UNC5C: variants seen among roughly 807,000 people sequenced by gnomAD.
The protein encoded by UNC5C is unc-5 netrin receptor C.
In UNC5C, 47 loss-of-function variants were observed where a neutral mutation model predicts 99.8. The observed-to-expected ratio is 0.47, with a 90% CI of 0.37 to 0.60. UNC5C has a LOEUF of 0.60. Ranked by LOEUF, UNC5C falls within the 20% of genes least tolerant of loss-of-function variation. The pLI is 0.00. For synonymous variants in UNC5C, 487 were observed against 452.2 expected, an observed-to-expected ratio of 1.08 and a Z score of -0.98; for missense variants, 1,062 against 1,165.9, an observed-to-expected ratio of 0.91 and a Z score of 1.30.
rs368442322 is a variant in UNC5C at position 95,494,619 on chromosome 4, G to A, written c.124+54115C>T. On this transcript the variant is annotated intron_variant, in intron 1 of 15. Coordinates refer to ENST00000453304, the MANE Select transcript of UNC5C (RefSeq NM_003728.4). ...AATTGGAGAAGTAAAGTTCACATAA[G>A]AAAAAGCAAATCTGGTCAATGGAGG... Among the ~76,000 whole-genome samples, 35 of 151,502 alleles carry A rather than the reference G, an allele frequency of 2.3e-4. 1 individual carries two copies. The South Asian group carries it at 6.4e-3, about 28-fold the overall frequency.
chr4:95,400,939 G>A (rs934513200), intron 1 of UNC5C, among the ~76,000 whole-genome samples: 1 of 152,206 alleles, frequency 6.6e-6, no homozygotes. Context: ...AACTAATACA[G>A]CTGCCAAATC....
intron 1 of UNC5C, among the ~76,000 whole-genome samples, chr4:95,390,312 A>T (rs1745320306): frequency 6.6e-6 from 1 of 151,874 alleles, no homozygotes; most frequent in African/African-American, 2.4e-5. Context: ...AGACAGGCAC[A>T]TTCCCCAGAA....
chr4:95,170,313 A>T lies in UNC5C; in HGVS notation c.2471T>A (p.Leu824Ter). 1 of 1,614,200 alleles carries T rather than the reference A, an allele frequency of 6.2e-7. No homozygotes were observed. Among genetic ancestry groups the T allele is most frequent in the Non-Finnish European group, 8.5e-7 (1 of 1,180,004 alleles). Residue 824 changes from leucine to a stop codon, truncating the protein, a stop_gained, in exon 15 of 16, where the codon TTG becomes TAG. Transcript: ENST00000453304. LOFTEE classifies it high-confidence loss of function. The part of the protein sequence containing the change: ...TVSEEPTGID[L>*]PLLDPANTIT... The stretch of plus-strand genomic sequence containing the variant: ...GGTGTTCGCAGGATCCAGCAGCGGC[A>T]AATCGATGCCAGTAGGTTCCTGTAG...
Position 95,167,885 on chromosome 4 carries a change from TG to T in UNC5C, c.*1348del, listed in dbSNP as rs1735918297. ...ATGAATGAGACTGGAGGCATCACGG[TG>T]GAAGTTGAGCATTTCAGAACTTGGA... On this transcript the variant is annotated 3_prime_UTR_variant, in exon 16 of 16. Transcript: ENST00000453304. 3.3e-5 allele frequency: 5 copies of T among 152,200 alleles called. No individual in the cohort carries two copies. The highest frequency in any genetic ancestry group is 3.3e-4 in the Admixed American group (5 of 15,278). The allele number at this position is 152,200 out of a possible 1,614,324, so 9.4% of individuals were successfully genotyped here.
At chr4:95,500,099 G>A (rs987923279) in intron 1 of UNC5C, among the ~76,000 whole-genome samples, 3 of 152,088 alleles carry the variant, frequency 2.0e-5, no homozygotes, top group Non-Finnish European at 2.9e-5. Context: ...TGATAAAAAC[G>A]TAGGAGTTTT....
In UNC5C at chr4:95,548,874, C is replaced by T; in HGVS notation, c.-17G>A. ...TTTCCTCATCGTAGACAGAGGTGTG[C>T]CGGGGGGAGGGGAGGGGGACAGAGA... On this transcript the variant is annotated 5_prime_UTR_variant, in exon 1 of 16. Transcript: ENST00000453304. 6.2e-7 allele frequency: 1 copy of T among 1,611,490 alleles called. No homozygotes were observed. The highest frequency in any genetic ancestry group is 8.5e-7 in the Non-Finnish European group (1 of 1,179,206).
chr4:95,193,898 C>T (rs1198239692), intron 12 of UNC5C, among the ~76,000 whole-genome samples: 1 of 152,196 alleles, frequency 6.6e-6, no homozygotes, highest in Non-Finnish European at 1.5e-5. Context: ...TCCCTGGCGC[C>T]CGGCCTGGCT....
At chr4:95,478,447 C>T (rs558504732) in intron 1 of UNC5C, among the ~76,000 whole-genome samples, 24 of 152,132 alleles carry the variant, frequency 1.6e-4, no homozygotes, top group Admixed American at 7.2e-4. Flanking sequence ...CGTTCTTCCA[C>T]CGATTTCGAT....
chr4:95,397,795 G>A (rs1266177536), intron 1 of UNC5C, among the ~76,000 whole-genome samples: 1 of 152,084 alleles, frequency 6.6e-6, no homozygotes, highest in Non-Finnish European at 1.5e-5. Flanking sequence ...AGACTTTACA[G>A]AACAAAGAAC....
At chr4:95,498,514 C>A (rs1014053616) in intron 1 of UNC5C, among the ~76,000 whole-genome samples, 1 of 151,914 alleles carries the variant, frequency 6.6e-6, no homozygotes, top group African/African-American at 2.4e-5. Flanking sequence ...CCAAAGTACT[C>A]TAAAAAGTAA....
chr4:95,178,394 C>T (rs939885784), intron 14 of UNC5C, among the ~76,000 whole-genome samples: 2 of 152,196 alleles, frequency 1.3e-5, no homozygotes, highest in Non-Finnish European at 2.9e-5. Flanking sequence ...CTCTTCTGTG[C>T]TCCTCACACT....
intron 4 of UNC5C, among the ~76,000 whole-genome samples, chr4:95,263,481 A>G (rs1264223490): frequency 6.6e-6 from 1 of 152,186 alleles, no homozygotes; most frequent in Non-Finnish European, 1.5e-5. Flanking sequence ...GGAAGACTAA[A>G]GAACAGGGTA....
intron 1 of UNC5C, among the ~76,000 whole-genome samples, chr4:95,433,736 T>C (rs1443068509): frequency 6.6e-6 from 1 of 152,136 alleles, no homozygotes; most frequent in African/African-American, 2.4e-5. Flanking sequence ...TTACATTCAC[T>C]GAGTTTTGAC....
rs74806677 is a variant in UNC5C at position 95,182,913 on chromosome 4, T to C, written c.2435A>G (p.Asn812Ser). 6.2e-7 allele frequency: 1 copy of C among 1,613,420 alleles called. No homozygotes were observed. The highest frequency in any genetic ancestry group is 1.7e-5 in the Admixed American group (1 of 59,998). Reference protein sequence around the residue: ...VEGEGQIFQLNCTVSEEPTGI... With the variant: ...VEGEGQIFQLSCTVSEEPTGI... ...GCCACTTACCTCTGACACGGTGCAG[T>C]TGAGCTGGAAGATCTGCCCTTCTCC... The change falls in exon 14 of 16, where the codon AAC becomes AGC. Residue 812 changes from asparagine to serine, a missense_variant. Physicochemically the swap from Asn to Ser is conservative, Grantham distance 46. Transcript: ENST00000453304.
chr4:95,239,726 T>C (rs139628537), intron 7 of UNC5C, among the ~76,000 whole-genome samples: 2,076 of 152,330 alleles, frequency 0.014, 14 homozygotes, highest in Middle Eastern at 0.031. Flanking sequence ...TTATCCAACA[T>C]TTTAATATAT....
At chr4:95,286,910 C>T (rs528085766) in intron 3 of UNC5C, among the ~76,000 whole-genome samples, 1 of 152,154 alleles carries the variant, frequency 6.6e-6, no homozygotes, top group Admixed American at 6.5e-5. Flanking sequence ...CTACTTAAAA[C>T]TTTATCAAAA....
At chr4:95,363,819 G>A (rs966827663) in intron 1 of UNC5C, among the ~76,000 whole-genome samples, 4 of 152,136 alleles carry the variant, frequency 2.6e-5, no homozygotes, top group African/African-American at 9.7e-5. Flanking sequence ...GTCAAATTTA[G>A]ACCTAATCAC....
intron 1 of UNC5C, among the ~76,000 whole-genome samples, chr4:95,515,419 C>T (rs551411060): frequency 6.6e-6 from 1 of 152,228 alleles, no homozygotes; most frequent in African/African-American, 2.4e-5. Context: ...CTGCACAGCC[C>T]TATAGTCTGA....
intron 12 of UNC5C, among the ~76,000 whole-genome samples, chr4:95,189,096 G>A (rs1449192454): frequency 3.3e-5 from 5 of 152,152 alleles, no homozygotes; most frequent in East Asian, 1.9e-4. Flanking sequence ...GTAAGGATGC[G>A]GATCATCTGG....
Sources: allele counts gnomAD v4.1 joint callset (sites outside exome capture counted in the v4.1 genomes callset), GRCh38; gene constraint gnomAD v4.1.1; transcripts MANE v1.5; gene names NCBI Gene and HGNC (gene_info 2026-07-23, HGNC 2026-07-21).